NAALADL2: variants seen among roughly 807,000 people sequenced by gnomAD.
NAALADL2 encodes the protein inactive N-acetylated-alpha-linked acidic dipeptidase-like protein 2.
A neutral mutation model predicts 87.2 loss-of-function variants in NAALADL2; 76 were observed. The observed-to-expected ratio is 0.87, with a 90% CI of 0.72 to 1.05. The LOEUF (loss-of-function observed/expected upper bound fraction) is 1.05. Among genes scored for constraint, NAALADL2 ranks in the 50% least tolerant of loss-of-function variants. NAALADL2 has a pLI of 0.00. For missense variants in NAALADL2, 1,089 were observed against 945.8 expected (o/e 1.15, Z -1.99); for synonymous variants, 354 against 331.0 (o/e 1.07, Z -0.75).
chr3:174,633,696 G>T (rs567942261), intron 2 of NAALADL2, among the ~76,000 whole-genome samples: 3 of 152,316 alleles, frequency 2.0e-5, no homozygotes, highest in Admixed American at 2.0e-4. Context: ...TCAGAAGCCA[G>T]GGTTTCCTCA....
chr3:174,567,047 A>G (rs576316271), intron 2 of NAALADL2, among the ~76,000 whole-genome samples: 46 of 151,818 alleles, frequency 3.0e-4, no homozygotes, highest in African/African-American at 1.1e-3. Flanking sequence ...TACTATGCAC[A>G]TAATGTCTTA....
intron 1 of NAALADL2, among the ~76,000 whole-genome samples, chr3:174,496,897 G>T (rs1718576545): frequency 1.6e-5 from 2 of 121,550 alleles, no homozygotes; most frequent in African/African-American, 2.8e-5. Context: ...GTTCATTAAT[G>T]CATAATTCAT....
At chr3:174,747,440 G>T (rs1228448835) in intron 3 of NAALADL2, among the ~76,000 whole-genome samples, 3 of 151,816 alleles carry the variant, frequency 2.0e-5, no homozygotes, top group Admixed American at 1.3e-4. Context: ...TGACCAACTT[G>T]GTGAAACCAT....
intron 5 of NAALADL2, among the ~76,000 whole-genome samples, chr3:175,384,308 A>G (rs772624296): frequency 2.6e-5 from 4 of 152,048 alleles, no homozygotes; most frequent in Non-Finnish European, 5.9e-5. Context: ...TTTTGCTGGT[A>G]TCCTAAACTC....
At chr3:175,457,892 A>G (rs1374867698) in intron 6 of NAALADL2, among the ~76,000 whole-genome samples, 2 of 151,914 alleles carry the variant, frequency 1.3e-5, no homozygotes, top group African/African-American at 2.4e-5. Context: ...ATTTCTTGGT[A>G]TGATTTTTTT....
At chr3:175,393,642 T>C (rs1581705900) in intron 5 of NAALADL2, among the ~76,000 whole-genome samples, 2 of 152,166 alleles carry the variant, frequency 1.3e-5, no homozygotes, top group Non-Finnish European at 2.9e-5. Flanking sequence ...TCTGGATTAT[T>C]TGAGAGTAAA....
chr3:174,692,246 G>C (rs1479429285), intron 2 of NAALADL2, among the ~76,000 whole-genome samples: 1 of 152,104 alleles, frequency 6.6e-6, no homozygotes, highest in Non-Finnish European at 1.5e-5. Flanking sequence ...TTGCAGAATC[G>C]ATTTTGAAAT....
chr3:175,089,884 G>C (rs1560011702), intron 1 of NAALADL2, among the ~76,000 whole-genome samples: 1 of 152,148 alleles, frequency 6.6e-6, no homozygotes, highest in Non-Finnish European at 1.5e-5. Context: ...TATGCCTATA[G>C]TGAAGCTCAG....
intron 13 of NAALADL2, among the ~76,000 whole-genome samples, chr3:175,796,101 G>C (rs959564852): frequency 6.0e-5 from 9 of 148,974 alleles, no homozygotes; most frequent in Non-Finnish European, 1.0e-4. Context: ...GGGGGAGAGT[G>C]GGGGAGAGGC....
At chr3:174,595,106 G>T (rs1485921732) in intron 2 of NAALADL2, among the ~76,000 whole-genome samples, 2 of 151,978 alleles carry the variant, frequency 1.3e-5, no homozygotes, top group Non-Finnish European at 2.9e-5. Context: ...ACTCATCATG[G>T]CCATTTTCTA....
chr3:175,097,565 C>G (rs1363060115), intron 2 of NAALADL2, among the ~76,000 whole-genome samples: 1 of 152,092 alleles, frequency 6.6e-6, no homozygotes, highest in Non-Finnish European at 1.5e-5. Context: ...TTTTCTCCCT[C>G]TTGGTGAGCC....
intron 5 of NAALADL2, among the ~76,000 whole-genome samples, chr3:175,420,477 T>G (rs557390606): frequency 1.3e-5 from 2 of 152,126 alleles, no homozygotes; most frequent in Non-Finnish European, 2.9e-5. Context: ...AGACCTACAG[T>G]TTAGGTCAAC....
intron 2 of NAALADL2, among the ~76,000 whole-genome samples, chr3:175,099,563 G>T (rs1423776221): frequency 1.3e-5 from 2 of 152,132 alleles, no homozygotes; most frequent in Non-Finnish European, 2.9e-5. Context: ...ATGAGTCTGT[G>T]TTTACTGAGC....
Position 174,773,935 on chromosome 3 carries a change from A to T in NAALADL2, c.-9+36189A>T, listed in dbSNP as rs188471892. ...TTTCTCTTAACTTTGTAAATTTGAA[A>T]TTCTTTCTTTTTCAGTTTCTATTTC... On this transcript the variant is annotated intron_variant, in intron 3 of 3. Transcript: ENST00000434257. Among the ~76,000 whole-genome samples the T allele has an allele frequency of 2.4e-3, 358 of 152,196 alleles. 3 individuals carry two copies. Among genetic ancestry groups the T allele is most frequent in the Middle Eastern group, 6.8e-3 (2 of 294 alleles).
intron 9 of NAALADL2, among the ~76,000 whole-genome samples, chr3:175,522,655 TTAAA>T (rs1357073169): frequency 6.6e-6 from 1 of 152,234 alleles, no homozygotes; most frequent in Non-Finnish European, 1.5e-5. Flanking sequence ...CCTTTGTTAA[TTAAA>T]TACTTTTTCT....
At chr3:174,674,701 AT>A (rs913694347) in intron 2 of NAALADL2, among the ~76,000 whole-genome samples, 48 of 151,754 alleles carry the variant, frequency 3.2e-4, no homozygotes, top group African/African-American at 1.1e-3. Context: ...AACAGGGTCT[AT>A]TTTTTTACAC....
intron 2 of NAALADL2, among the ~76,000 whole-genome samples, chr3:175,160,356 C>CTTTATTTTTTT (rs1732971358): frequency 1.8e-5 from 1 of 55,958 alleles, no homozygotes; most frequent in Non-Finnish European, 4.5e-5. Context: ...TGTATCTTTT[C>CTTTATTTTTTT]TTTCTTTTTT....
At chr3:175,148,347 G>A (rs1172381377) in intron 2 of NAALADL2, among the ~76,000 whole-genome samples, 1 of 151,806 alleles carries the variant, frequency 6.6e-6, no homozygotes, top group Non-Finnish European at 1.5e-5. Flanking sequence ...TTAGATCTTT[G>A]TGGGATACTT....
At chr3:174,809,643 G>T in intron 3 of NAALADL2, among the ~76,000 whole-genome samples, 1 of 127,456 alleles carries the variant, frequency 7.8e-6, no homozygotes, top group Non-Finnish European at 1.6e-5. Flanking sequence ...ACTGAAAAAT[G>T]GACTGACTTT....
Sources: gnomAD v4.1 joint callset for allele counts (sites outside exome capture counted in the v4.1 genomes callset) on GRCh38, gnomAD v4.1.1 for gene constraint, MANE v1.5 for transcripts, NCBI Gene and HGNC (gene_info 2026-07-23, HGNC 2026-07-21) for gene names.